PRAG1: variants seen among roughly 807,000 people sequenced by gnomAD.
The protein encoded by PRAG1 is PEAK1 related, kinase-activating pseudokinase 1.
In PRAG1, 110 loss-of-function variants were observed where a neutral mutation model predicts 95.6. The ratio of observed to expected loss-of-function variants is 1.15; its 90% CI spans 0.99 to 1.35. PRAG1 has a LOEUF of 1.35. Among genes scored for constraint, PRAG1 ranks in the 40% most tolerant of loss-of-function variants. The pLI, the probability that PRAG1 is intolerant of heterozygous loss-of-function variation, is 0.00. For synonymous variants in PRAG1, 1,052 were observed against 819.4 expected (o/e 1.28, Z -4.85); for missense variants, 2,554 against 1,864.7 (o/e 1.37, Z -6.81).
chr8:8,326,831 G>A (rs1441937318), intron 5 of PRAG1, among the ~76,000 whole-genome samples: 1 of 152,174 alleles, frequency 6.6e-6, no homozygotes, highest in Non-Finnish European at 1.5e-5. Context: ...TAACCACTTT[G>A]AGCCTCAGAT....
intron 3 of PRAG1, among the ~76,000 whole-genome samples, chr8:8,365,510 G>A (rs1456027991): frequency 6.6e-6 from 1 of 152,060 alleles, no homozygotes; most frequent in Non-Finnish European, 1.5e-5. Context: ...TGTAATTCCA[G>A]CTACTCGGGA....
At chr8:8,338,270 T>C (rs191842709) in intron 4 of PRAG1, among the ~76,000 whole-genome samples, 1 of 152,348 alleles carries the variant, frequency 6.6e-6, no homozygotes, top group East Asian at 1.9e-4. Flanking sequence ...GTGGACGTCA[T>C]GGTTTACTGG....
At chr8:8,381,318 G>T in intron 2 of PRAG1, 100 bp downstream of exon 2, 2 of 1,212,284 alleles carry the variant, frequency 1.6e-6, no homozygotes, top group East Asian at 2.4e-5. Flanking sequence ...TATCCTGCAG[G>T]TTTCTTGCTG....
At chr8:8,381,300 C>T (rs777265902) in intron 2 of PRAG1, 118 bp downstream of exon 2, 13 of 980,790 alleles carry the variant, frequency 1.3e-5, no homozygotes, top group Non-Finnish European at 1.8e-5. Flanking sequence ...GGCAAACTGA[C>T]AGGAAGCTAT....
In PRAG1 at chr8:8,328,120, C is replaced by T. The variant is rs1353815039; in HGVS notation, c.2662G>A (p.Gly888Ser). ...SSDPLEKAFK[G>S]SGHWLPAAGL... is the part of the protein sequence containing the mutation. Reference sequence around the variant, plus strand: ...GCTGCCGGAAGCCAGTGGCCACTGCCTTTGAAAGCTTTCTCCAGAGGATCG... The same window carrying T: ...GCTGCCGGAAGCCAGTGGCCACTGCTTTTGAAAGCTTTCTCCAGAGGATCG... The change falls in exon 5 of 6, where the codon GGC (glycine) becomes AGC (serine). Residue 888 changes from glycine (G) to serine (S), a missense_variant. Transcript: ENST00000615670. 18 of 1,613,950 alleles carry T rather than the reference C, an allele frequency of 1.1e-5. No individual in the cohort carries two copies. The South Asian group carries it at 2.0e-4, about 18-fold the overall frequency.
intron 3 of PRAG1, among the ~76,000 whole-genome samples, chr8:8,371,398 C>T (rs1327946525): frequency 1.3e-5 from 2 of 151,812 alleles, no homozygotes; most frequent in African/African-American, 2.4e-5. Flanking sequence ...GTAGCTGGGA[C>T]TACTGGCGCC....
chr8:8,371,331 G>T (rs1585269803), intron 3 of PRAG1, among the ~76,000 whole-genome samples: 1 of 151,730 alleles, frequency 6.6e-6, no homozygotes, highest in Non-Finnish European at 1.5e-5. Flanking sequence ...TGCGATCTCG[G>T]CTCCCTGCAA....
rs1486005057 is a variant in PRAG1, at chr8:8,376,428, C to A, written c.1981G>T (p.Gly661Cys). The change falls in exon 3 of 6, where the codon GGC (glycine) becomes TGC (cysteine). Residue 661 changes from glycine (G) to cysteine (C), a missense_variant. Physicochemically the swap from Gly to Cys is radical, Grantham distance 159. Transcript: ENST00000615670. ...GTGGAGTTTGAATGGTCCGTGGGGCCATTTTTGGTCTCTCTTCCCCAGCTG... is the reference window on the plus strand; with the variant it reads ...GTGGAGTTTGAATGGTCCGTGGGGCAATTTTTGGTCTCTCTTCCCCAGCTG... ...SHSWGRETKN[G>C]PTDHSNSTTW... 1 of 1,614,048 alleles carries A rather than the reference C, an allele frequency of 6.2e-7. No homozygotes were observed. The highest frequency in any genetic ancestry group is 8.5e-7 in the Non-Finnish European group (1 of 1,180,036).
intron 4 of PRAG1, among the ~76,000 whole-genome samples, chr8:8,337,798 A>G (rs536101398): frequency 6.6e-6 from 1 of 152,294 alleles, no homozygotes; most frequent in Admixed American, 6.5e-5. Flanking sequence ...AACCTCCAGC[A>G]TTGAACTCAC....
chr8:8,378,072 A>G lies in PRAG1; in HGVS notation c.337T>C (p.Trp113Arg). The G allele has an allele frequency of 6.5e-7, 1 of 1,534,380 alleles. No homozygotes were observed. The highest frequency in any genetic ancestry group is 8.7e-7 in the Non-Finnish European group (1 of 1,143,146). The change falls in exon 3 of 6, where the codon TGG (tryptophan) becomes CGG (arginine). Residue 113 changes from tryptophan to arginine, a missense_variant. Coordinates refer to ENST00000615670, the MANE Select transcript of PRAG1 (RefSeq NM_001080826.3). ...NLSAEVSQVI[W>R]RRAPGKLPLP... is the part of the protein sequence containing the mutation. Reference sequence around the variant, plus strand: ...GGGAGCTTGCCAGGGGCTCGTCTCCAGATGACCTACACACAAGCCCAACGC... The same window carrying G: ...GGGAGCTTGCCAGGGGCTCGTCTCCGGATGACCTACACACAAGCCCAACGC...
chr8:8,347,601 T>C (rs1429301482), intron 3 of PRAG1, among the ~76,000 whole-genome samples: 1 of 152,202 alleles, frequency 6.6e-6, no homozygotes, highest in Non-Finnish European at 1.5e-5. Flanking sequence ...TTTTAACTTA[T>C]CATATGCCTG....
chr8:8,378,203 G>A (rs1478294117), intron 2 of PRAG1, 125 bp from the exon 3 acceptor site: 15 of 1,137,574 alleles, frequency 1.3e-5, no homozygotes, highest in Admixed American at 6.0e-5. Flanking sequence ...GTGCAGGGGC[G>A]CTGGGGCCGG....
chr8:8,346,207 C>G (rs1213233397), intron 3 of PRAG1, among the ~76,000 whole-genome samples: 1 of 152,256 alleles, frequency 6.6e-6, no homozygotes, highest in African/African-American at 2.4e-5. Flanking sequence ...TTTCACAAAA[C>G]TGGTGCAAAC....
chr8:8,330,473 G>C (rs778136908), intron 4 of PRAG1, among the ~76,000 whole-genome samples: 8 of 152,192 alleles, frequency 5.3e-5, no homozygotes, highest in Non-Finnish European at 8.8e-5. Context: ...CAAGATCATA[G>C]GGAGTTGCCC....
chr8:8,378,250 G>A (rs1261765392), intron 2 of PRAG1, among the ~76,000 whole-genome samples, 172 bp from the exon 3 acceptor site: 2 of 152,182 alleles, frequency 1.3e-5, no homozygotes, highest in Non-Finnish European at 2.9e-5. Flanking sequence ...TCTCCCCACG[G>A]CCCTGTGATC....
chr8:8,324,682 T>A (rs1798578743), intron 5 of PRAG1, among the ~76,000 whole-genome samples: 1 of 152,200 alleles, frequency 6.6e-6, no homozygotes, highest in South Asian at 2.1e-4. Flanking sequence ...AACGTTTTGC[T>A]GAGCCAGGAC....
At chr8:8,333,103 G>A (rs1462783741) in intron 4 of PRAG1, among the ~76,000 whole-genome samples, 1 of 152,188 alleles carries the variant, frequency 6.6e-6, no homozygotes, top group African/African-American at 2.4e-5. Context: ...GACACATCCT[G>A]GTTTGATGCT....
chr8:8,340,015 C>T (rs7013607), intron 3 of PRAG1, among the ~76,000 whole-genome samples: 25,646 of 152,170 alleles, frequency 0.17, 2,923 homozygotes, highest in African/African-American at 0.32. Context: ...TGTATAGAGA[C>T]ATACAGATAT....
intron 3 of PRAG1, among the ~76,000 whole-genome samples, chr8:8,349,675 G>C (rs929408074): frequency 6.6e-6 from 1 of 151,934 alleles, no homozygotes; most frequent in Admixed American, 6.6e-5. Flanking sequence ...AAACTGATAG[G>C]GCCAATCTTC....
Sources: allele counts gnomAD v4.1 joint callset (sites outside exome capture counted in the v4.1 genomes callset), GRCh38; gene constraint gnomAD v4.1.1; transcripts MANE v1.5; gene names NCBI Gene and HGNC (gene_info 2026-07-23, HGNC 2026-07-21).